NKAIN3: variants seen among roughly 807,000 people sequenced by gnomAD.
NKAIN3 encodes the protein sodium/potassium transporting ATPase interacting 3, also known as sodium/potassium-transporting ATPase subunit beta-1-interacting protein 3.
A neutral mutation model predicts 30.2 loss-of-function variants in NKAIN3; 25 were observed. The ratio of observed to expected loss-of-function variants is 0.83; its 90% confidence interval spans 0.60 to 1.16. The LOEUF (loss-of-function observed/expected upper bound fraction) is 1.16, where lower values mean the gene tolerates loss of function less well. NKAIN3 is among the 50% of genes most tolerant of loss of function. The pLI, the probability that NKAIN3 is intolerant of heterozygous loss-of-function variation, is 0.00. For missense variants in NKAIN3, 225 were observed against 254.1 expected (o/e 0.89, Z 0.78); for synonymous variants, 91 against 89.6 (o/e 1.02, Z -0.09).
intron 1 of NKAIN3, among the ~76,000 whole-genome samples, chr8:62,395,150 G>A (rs899873013): frequency 6.6e-6 from 1 of 150,452 alleles, no homozygotes; most frequent in Non-Finnish European, 1.5e-5. Flanking sequence ...GGGCGGCGAC[G>A]GGACAGAGGC....
chr8:62,696,704 C>T (rs546717139), intron 3 of NKAIN3, among the ~76,000 whole-genome samples: 9 of 151,394 alleles, frequency 5.9e-5, no homozygotes, highest in African/African-American at 1.2e-4. Context: ...ACGTACAAAA[C>T]GAATAATTCT....
intron 4 of NKAIN3, among the ~76,000 whole-genome samples, chr8:62,891,689 C>T (rs1473536913): frequency 6.6e-6 from 1 of 152,100 alleles, no homozygotes. Context: ...AAAATTCCTT[C>T]CATATTTACC....
At chr8:62,467,790 A>G (rs7823684) in intron 1 of NKAIN3, among the ~76,000 whole-genome samples, 107,670 of 152,010 alleles carry the variant, frequency 0.71, 38,347 homozygotes, top group East Asian at 0.74. Flanking sequence ...TTTTGAGACA[A>G]GGTTTCACTT....
At chr8:62,288,959 T>C (rs1286665572) in intron 1 of NKAIN3, among the ~76,000 whole-genome samples, 1 of 152,230 alleles carries the variant, frequency 6.6e-6, no homozygotes, top group African/African-American at 2.4e-5. Context: ...TGGTATCACA[T>C]TGTGGTTTTG....
intron 5 of NKAIN3, among the ~76,000 whole-genome samples, chr8:62,943,351 T>A (rs1300777546): frequency 6.7e-6 from 1 of 148,308 alleles, no homozygotes; most frequent in Non-Finnish European, 1.5e-5. Flanking sequence ...ACCACCTTAC[T>A]CTTGCAAGAA....
intron 4 of NKAIN3, among the ~76,000 whole-genome samples, chr8:62,891,345 C>T (rs1821291006): frequency 6.6e-6 from 1 of 152,220 alleles, no homozygotes; most frequent in Admixed American, 6.5e-5. Context: ...GACTCTTGGA[C>T]TTACAAGAGT....
At chr8:62,883,186 C>G (rs1007944757) in intron 4 of NKAIN3, among the ~76,000 whole-genome samples, 3 of 152,242 alleles carry the variant, frequency 2.0e-5, no homozygotes, top group Non-Finnish European at 4.4e-5. Context: ...GTCTCCCTAT[C>G]CACAAACATG....
chr8:62,961,555 A>G (rs1366597956), intron 6 of NKAIN3, among the ~76,000 whole-genome samples: 5 of 152,202 alleles, frequency 3.3e-5, no homozygotes, highest in Non-Finnish European at 7.3e-5. Flanking sequence ...AGTCAAACAC[A>G]TTGTGTATAT....
At chr8:62,945,783 A>C (rs572603802) in intron 5 of NKAIN3, among the ~76,000 whole-genome samples, 2 of 152,276 alleles carry the variant, frequency 1.3e-5, no homozygotes, top group South Asian at 4.1e-4. Context: ...GATCCGAGAC[A>C]GAGTTGGGGA....
chr8:62,403,138 C>G (rs1473454692), intron 1 of NKAIN3, among the ~76,000 whole-genome samples: 1 of 152,120 alleles, frequency 6.6e-6, no homozygotes, highest in East Asian at 1.9e-4. Flanking sequence ...GCATTTTGCC[C>G]CTGCCCTAAA....
chr8:62,367,140 T>A (rs1816762061), intron 1 of NKAIN3, among the ~76,000 whole-genome samples: 1 of 152,202 alleles, frequency 6.6e-6, no homozygotes, highest in Non-Finnish European at 1.5e-5. Context: ...ATATTTCAAG[T>A]GTGCTTCAGA....
intron 1 of NKAIN3, among the ~76,000 whole-genome samples, chr8:62,563,985 G>A (rs1170853908): frequency 2.0e-5 from 3 of 152,068 alleles, no homozygotes; most frequent in African/African-American, 7.2e-5. Flanking sequence ...ATTTTAATTT[G>A]CCTTAAATCA....
chr8:62,478,350 G>A (rs148345231), intron 1 of NKAIN3, among the ~76,000 whole-genome samples: 59 of 152,250 alleles, frequency 3.9e-4, no homozygotes, highest in African/African-American at 1.3e-3. Context: ...CAAAGCCAAG[G>A]TCACAGACTC....
At chr8:62,527,917 GACA>G (rs1563441058) in intron 1 of NKAIN3, among the ~76,000 whole-genome samples, 6 of 145,654 alleles carry the variant, frequency 4.1e-5, no homozygotes, top group Non-Finnish European at 7.4e-5. Context: ...GTGTGTGTGT[GACA>G]GAGAGACAGA....
chr8:62,477,946 A>G (rs1806573682), intron 1 of NKAIN3, among the ~76,000 whole-genome samples: 1 of 152,200 alleles, frequency 6.6e-6, no homozygotes, highest in Admixed American at 6.5e-5. Flanking sequence ...CAATACATAT[A>G]TAACATAATT....
At chr8:62,263,877 T>C (rs1419122489) in intron 1 of NKAIN3, among the ~76,000 whole-genome samples, 1 of 152,162 alleles carries the variant, frequency 6.6e-6, no homozygotes, top group Non-Finnish European at 1.5e-5. Context: ...ATACATGCAA[T>C]GATGCCAATT....
intron 1 of NKAIN3, among the ~76,000 whole-genome samples, chr8:62,504,374 G>T (rs1445204440): frequency 6.6e-6 from 1 of 152,114 alleles, no homozygotes. Context: ...TAATGCATAT[G>T]AGATATTCTC....
At chr8:62,869,347 G>A (rs1276086764) in intron 4 of NKAIN3, among the ~76,000 whole-genome samples, 2 of 152,040 alleles carry the variant, frequency 1.3e-5, no homozygotes, top group Non-Finnish European at 2.9e-5. Context: ...CCTGACATGC[G>A]CAGGTGTGTG....
Position 62,819,468 on chromosome 8 carries a change from C to T in NKAIN3, c.471+72339C>T, listed in dbSNP as rs914233440. Reference sequence around the variant, plus strand: ...TTATTCCACAATCATCAACATTTTACGTAGCAGATTCAGATTATTTAGCGC... The same window carrying T: ...TTATTCCACAATCATCAACATTTTATGTAGCAGATTCAGATTATTTAGCGC... On this transcript the variant is annotated intron_variant, in intron 4 of 6. Coordinates refer to ENST00000623646, the MANE Select transcript of NKAIN3 (RefSeq NM_001304533.3). Among the ~76,000 whole-genome samples, 11 of 151,944 alleles carry T rather than the reference C, an allele frequency of 7.2e-5. No homozygotes were observed. The South Asian group carries it at 1.0e-3, about 14-fold the overall frequency.
Sources: gnomAD v4.1 joint callset for allele counts (sites outside exome capture counted in the v4.1 genomes callset) on GRCh38, gnomAD v4.1.1 for gene constraint, MANE v1.5 for transcripts, NCBI Gene and HGNC (gene_info 2026-07-23, HGNC 2026-07-21) for gene names.